The following COPG2 variants were observed in gnomAD, a reference collection of about 807,000 sequenced individuals.
COPG2 encodes coatomer subunit gamma-2.
COPG2 carries 37 observed loss-of-function variants against 46.3 expected under a neutral mutation model. The ratio of observed to expected loss-of-function variants is 0.80; its 90% CI spans 0.61 to 1.05. The LOEUF is 1.05. Among genes scored for constraint, COPG2 ranks in the 50% least tolerant of loss-of-function variants. The pLI, the probability that COPG2 is intolerant of heterozygous loss-of-function variation, is 0.00. For missense variants in COPG2, 427 were observed against 387.8 expected, an observed-to-expected ratio of 1.10 and a Z score of -0.85; for synonymous variants, 159 against 129.7, an observed-to-expected ratio of 1.23 and a Z score of -1.53.
intron 9 of COPG2, among the ~76,000 whole-genome samples, chr7:130,602,172 T>C (rs1794647612): frequency 6.6e-6 from 1 of 152,212 alleles, no homozygotes; most frequent in Non-Finnish European, 1.5e-5. Context: ...ATATACCACA[T>C]AGCAAGAGAT....
In COPG2 at chr7:130,588,511, T is replaced by C. The variant is rs551213626; in HGVS notation, c.737+22442A>G. 9.2e-5 allele frequency among the ~76,000 whole-genome samples: 14 copies of C among 152,062 alleles called. No homozygotes were observed. The South Asian group carries it at 2.1e-3, about 23-fold the overall frequency. On this transcript the variant is annotated intron_variant, in intron 9 of 23. Coordinates refer to ENST00000425248, the MANE Select transcript of COPG2 (RefSeq NM_012133.6). ...GTTCTTTGTAGGGACATGGATGAAA[T>C]TGGAAATCATCATTCTCAGCAAAAT...
At chr7:130,665,566 C>A (rs1056583339) in intron 3 of COPG2, among the ~76,000 whole-genome samples, 3 of 152,092 alleles carry the variant, frequency 2.0e-5, no homozygotes, top group African/African-American at 7.2e-5. Flanking sequence ...ACTATTTACA[C>A]AGCACTAACA....
At chr7:130,622,069 G>C (rs567821757) in intron 5 of COPG2, among the ~76,000 whole-genome samples, 1 of 152,168 alleles carries the variant, frequency 6.6e-6, no homozygotes, top group South Asian at 2.1e-4. Flanking sequence ...GACAGCAAAG[G>C]CTTGCATAAA....
chr7:130,617,960 GTGT>G (rs1395721449), intron 5 of COPG2, among the ~76,000 whole-genome samples: 1 of 151,800 alleles, frequency 6.6e-6, no homozygotes, highest in Non-Finnish European at 1.5e-5. Flanking sequence ...AATTAGACTG[GTGT>G]TGTGGGGTGT....
Position 130,662,972 on chromosome 7 carries a change from T to C in COPG2, c.238A>G (p.Asn80Asp). 6.5e-7 allele frequency: 1 copy of C among 1,541,342 alleles called. No homozygotes were observed. The highest frequency in any genetic ancestry group is 8.8e-7 in the Non-Finnish European group (1 of 1,140,488). ...FFAMTRLFQS[N>D]DQTLRRMCYL... is the part of the protein sequence containing the mutation. ...AAAAATTTAAAAAGACTTACATCAT[T>C]AGATTGAAACAATCGCGTCATTGCA... is the stretch of plus-strand genomic sequence containing the variant. The change falls in exon 4 of 24, where the codon AAT becomes GAT. Residue 80 changes from asparagine to aspartate, a missense_variant. Physicochemically the swap from Asn to Asp is conservative, Grantham distance 23. Coordinates refer to ENST00000425248, the MANE Select transcript of COPG2 (RefSeq NM_012133.6).
chr7:130,595,688 T>C (rs1055206852), intron 9 of COPG2, among the ~76,000 whole-genome samples: 2 of 152,204 alleles, frequency 1.3e-5, no homozygotes, highest in African/African-American at 4.8e-5. Context: ...ACTTTTTGCT[T>C]TGAAATAAAA....
At chr7:130,535,605 C>G (rs1159536298) in intron 20 of COPG2, among the ~76,000 whole-genome samples, 3 of 138,220 alleles carry the variant, frequency 2.2e-5, no homozygotes, top group South Asian at 2.5e-4. Flanking sequence ...TTGGGCCAGG[C>G]TCTTTACTAC....
At chr7:130,558,393 TGTGA>T (rs1259895839) in intron 12 of COPG2, among the ~76,000 whole-genome samples, 2 of 152,286 alleles carry the variant, frequency 1.3e-5, no homozygotes, top group Admixed American at 1.3e-4. Flanking sequence ...TGCCTTCCAC[TGTGA>T]GTAAAAGCTC....
In COPG2 at chr7:130,635,669, G is replaced by C. The variant is rs534278114; in HGVS notation, c.323+17200C>G. 1.1e-4 allele frequency among the ~76,000 whole-genome samples: 17 copies of C among 152,222 alleles called. 1 individual carries two copies. The South Asian group carries it at 3.1e-3, about 28-fold the overall frequency. On this transcript the variant is annotated intron_variant, in intron 5 of 23. Coordinates refer to ENST00000425248, the MANE Select transcript of COPG2 (RefSeq NM_012133.6). ...CAAAAAACCAGCTCCTGGATTCATT[G>C]ATTTTTTGAAGGATTTTTTGTGTCT... is the stretch of plus-strand genomic sequence containing the variant.
At chr7:130,657,432 C>G (rs1308241322) in intron 4 of COPG2, among the ~76,000 whole-genome samples, 1 of 151,886 alleles carries the variant, frequency 6.6e-6, no homozygotes, top group Non-Finnish European at 1.5e-5. Flanking sequence ...TACAAACACC[C>G]AGAAAAAAAG....
Position 130,552,368 on chromosome 7 carries a change from C to T in COPG2, c.1531G>A (p.Val511Ile), listed in dbSNP as rs1793545598. The T allele has an allele frequency of 2.5e-6, 1 of 397,952 alleles. No homozygotes were observed. The highest frequency in any genetic ancestry group is 4.4e-6 in the Non-Finnish European group (1 of 225,872). The allele number at this position is 397,952 out of a possible 1,614,324, so 24.7% of individuals were successfully genotyped here. The part of the protein sequence containing the change: ...QNESLLPSIL[V>I]LLQRCMMDTD... ...TATTTAACTTACCTCTGTAAGAGTA[C>T]AAGGATGCTTGGGAGAAGACTCTCA... Residue 511 changes from valine to isoleucine, a missense_variant, in exon 15 of 24, where the codon GTA (valine) becomes ATA (isoleucine). Physicochemically the swap from Val to Ile is conservative, Grantham distance 29. Transcript: ENST00000425248.
intron 20 of COPG2, chr7:130,508,871 T>C (rs2116325710): frequency 3.5e-6 from 2 of 572,928 alleles, no homozygotes; most frequent in African/African-American, 1.9e-5. Flanking sequence ...CGCTGTGGGT[T>C]ACAGCAGTAC....
At chr7:130,524,946 G>T (rs1380438468) in intron 20 of COPG2, among the ~76,000 whole-genome samples, 3 of 152,160 alleles carry the variant, frequency 2.0e-5, no homozygotes, top group African/African-American at 7.2e-5. Flanking sequence ...GGATAAAGAG[G>T]CTGTGGCAAT....
At position 130,611,008 on chromosome 7, in the gene COPG2, C is replaced by A; in HGVS notation, c.682G>T (p.Ala228Ser). The change falls in exon 9 of 24, where the codon GCT becomes TCT. Residue 228 changes from alanine (A) to serine (S), a missense_variant. Coordinates refer to ENST00000425248, the MANE Select transcript of COPG2 (RefSeq NM_012133.6). ...FTKSGLKSQF[A>S]YCMLIRIASR... ...GCAATTCGGATCAGCATGCAGTAAG[C>A]AAACTGTGACTTGAGACCAGATTTA... The A allele has an allele frequency of 6.2e-7, 1 of 1,613,924 alleles. No individual in the cohort carries two copies. The highest frequency in any genetic ancestry group is 8.5e-7 in the Non-Finnish European group (1 of 1,179,864).
At chr7:130,618,100 CA>C (rs10695449) in intron 5 of COPG2, among the ~76,000 whole-genome samples, 1,124 of 64,578 alleles carry the variant, frequency 0.017, 14 homozygotes, top group African/African-American at 0.052. Flanking sequence ...GACCCTGTCT[CA>C]AAAAAAAAAA....
intron 5 of COPG2, among the ~76,000 whole-genome samples, chr7:130,628,249 C>T (rs140551866): frequency 1.3e-5 from 2 of 152,180 alleles, no homozygotes; most frequent in Admixed American, 6.5e-5. Flanking sequence ...CCTCTACCCC[C>T]GCCCCCTTTC....
At chr7:130,532,368 T>C (rs1799835893) in intron 20 of COPG2, among the ~76,000 whole-genome samples, 2 of 151,962 alleles carry the variant, frequency 1.3e-5, no homozygotes, top group African/African-American at 4.8e-5. Flanking sequence ...GCAGGGGATC[T>C]GTTGTCATGG....
At position 130,534,889 on chromosome 7, in the gene COPG2, A is replaced by G. The variant is rs1017567152; in HGVS notation, c.2149+12785T>C. On this transcript the variant is annotated intron_variant, in intron 20 of 23. Transcript: ENST00000425248. Reference sequence around the variant, plus strand: ...GAAGAAAGGAGGAAGAGGAGGAAGTAGCGGGACTGGCTATAGAGTTTTGTA... The same window carrying G: ...GAAGAAAGGAGGAAGAGGAGGAAGTGGCGGGACTGGCTATAGAGTTTTGTA... Among the ~76,000 whole-genome samples, 127 of 152,184 alleles carry G rather than the reference A, an allele frequency of 8.3e-4. 1 individual carries two copies. Among genetic ancestry groups the G allele is most frequent in the East Asian group, 3.7e-3 (19 of 5,160 alleles).
chr7:130,536,860 G>A (rs1320261424), intron 20 of COPG2, among the ~76,000 whole-genome samples: 9 of 152,208 alleles, frequency 5.9e-5, no homozygotes, highest in African/African-American at 2.2e-4. Flanking sequence ...GTGACACAGA[G>A]GAAGTGGGCT....
Sources: gnomAD v4.1 joint callset for allele counts (sites outside exome capture counted in the v4.1 genomes callset) on GRCh38, gnomAD v4.1.1 for gene constraint, MANE v1.5 for transcripts, NCBI Gene and HGNC (gene_info 2026-07-23, HGNC 2026-07-21) for gene names.